The following CDH12 variants were observed in gnomAD, a reference collection of about 807,000 sequenced individuals.
The protein encoded by CDH12 is cadherin 12.
In CDH12, 41 loss-of-function variants were observed where a neutral mutation model predicts 74.1. The ratio of observed to expected loss-of-function variants is 0.55; its 90% CI spans 0.43 to 0.72. The LOEUF (loss-of-function observed/expected upper bound fraction) is 0.72. Ranked by LOEUF, CDH12 falls within the 30% of genes least tolerant of loss-of-function variation. CDH12 has a pLI of 0.00. For synonymous variants in CDH12, 399 were observed against 355.0 expected, an observed-to-expected ratio of 1.12 and a Z score of -1.39; for missense variants, 945 against 977.2, an observed-to-expected ratio of 0.97 and a Z score of 0.44.
chr5:22,120,592 A>G (rs1745452328), intron 4 of CDH12, among the ~76,000 whole-genome samples: 1 of 152,166 alleles, frequency 6.6e-6, no homozygotes, highest in Non-Finnish European at 1.5e-5. Flanking sequence ...TCTTTAATAT[A>G]TGGAAATGTG....
chr5:22,112,340 T>C (rs188849925), intron 4 of CDH12, among the ~76,000 whole-genome samples: 3 of 152,278 alleles, frequency 2.0e-5, no homozygotes, highest in South Asian at 2.1e-4. Context: ...TCTTGTTTTT[T>C]CTTTTTGATG....
At chr5:22,356,619 GTC>G (rs1395938480) in intron 3 of CDH12, among the ~76,000 whole-genome samples, 4 of 152,042 alleles carry the variant, frequency 2.6e-5, no homozygotes, top group Non-Finnish European at 5.9e-5. Context: ...GGAAGACTGA[GTC>G]TTAAATAATT....
At chr5:22,321,436 T>C (rs956915062) in intron 3 of CDH12, among the ~76,000 whole-genome samples, 3 of 137,510 alleles carry the variant, frequency 2.2e-5, no homozygotes, top group Non-Finnish European at 3.1e-5. Flanking sequence ...TAGGTGGGAA[T>C]TGAACAATGA....
chr5:22,157,004 G>A (rs1056938318), intron 4 of CDH12, among the ~76,000 whole-genome samples: 4 of 152,086 alleles, frequency 2.6e-5, no homozygotes, highest in Non-Finnish European at 5.9e-5. Context: ...CTGAACTCTA[G>A]TATTAACAGG....
intron 1 of CDH12, among the ~76,000 whole-genome samples, chr5:22,597,752 G>A (rs1403254466): frequency 6.6e-6 from 1 of 152,126 alleles, no homozygotes; most frequent in Non-Finnish European, 1.5e-5. Flanking sequence ...GTAAAAAAAT[G>A]TATGAATGCT....
At chr5:22,137,108 C>G (rs995282556) in intron 4 of CDH12, among the ~76,000 whole-genome samples, 1 of 151,732 alleles carries the variant, frequency 6.6e-6, no homozygotes, top group Admixed American at 6.6e-5. Flanking sequence ...ATTTACAAAG[C>G]ACAGTTTCTA....
At chr5:22,199,809 C>A (rs2150353542) in intron 4 of CDH12, among the ~76,000 whole-genome samples, 2 of 152,332 alleles carry the variant, frequency 1.3e-5, no homozygotes, top group South Asian at 4.1e-4. Context: ...TTCTCTCTGC[C>A]TTTCAGATGT....
intron 1 of CDH12, among the ~76,000 whole-genome samples, chr5:22,644,526 T>G (rs1260837516): frequency 6.6e-6 from 1 of 151,892 alleles, no homozygotes; most frequent in Non-Finnish European, 1.5e-5. Context: ...TAAATAAAAA[T>G]TTTTAAAAAA....
At chr5:22,447,595 G>C (rs960643880) in intron 2 of CDH12, among the ~76,000 whole-genome samples, 62 of 152,128 alleles carry the variant, frequency 4.1e-4, no homozygotes, top group African/African-American at 1.4e-3. Flanking sequence ...AAAATTATGA[G>C]CTAGTAACTA....
At chr5:22,058,770 G>A (rs1202074424) in intron 5 of CDH12, among the ~76,000 whole-genome samples, 11 of 149,228 alleles carry the variant, frequency 7.4e-5, no homozygotes, top group Admixed American at 6.7e-5. Flanking sequence ...AAGGAAGGAA[G>A]GGAGGGAGGG....
intron 4 of CDH12, among the ~76,000 whole-genome samples, chr5:22,207,694 T>G (rs1207832018): frequency 6.6e-6 from 1 of 152,194 alleles, no homozygotes; most frequent in Admixed American, 6.5e-5. Context: ...CTAAGTTACA[T>G]TCTTTTAAGA....
At chr5:22,536,271 T>C (rs912303591) in intron 1 of CDH12, among the ~76,000 whole-genome samples, 7 of 152,202 alleles carry the variant, frequency 4.6e-5, no homozygotes, top group African/African-American at 1.4e-4. Flanking sequence ...TTAGTTTCTT[T>C]GCCATCAACA....
In CDH12 at chr5:22,248,574, A is replaced by G. The variant is rs920912411; in HGVS notation, c.-332-35931T>C. Among the ~76,000 whole-genome samples the G allele has an allele frequency of 7.2e-5, 11 of 152,276 alleles. No homozygotes were observed. The East Asian group carries it at 2.1e-3, about 29-fold the overall frequency. On this transcript the variant is annotated intron_variant, in intron 3 of 14. Coordinates refer to ENST00000382254, the MANE Select transcript of CDH12 (RefSeq NM_004061.5). ...TTGAGTGGACATGATCACTCTGGAT[A>G]CCACACTTTGGACTAATCCAATGAA... is the stretch of plus-strand genomic sequence containing the variant.
chr5:22,779,199 G>A (rs1466014671), intron 1 of CDH12, among the ~76,000 whole-genome samples: 2 of 152,130 alleles, frequency 1.3e-5, no homozygotes, highest in African/African-American at 2.4e-5. Context: ...GCACTTTGAT[G>A]TTTATCAAAG....
chr5:22,218,524 T>C (rs912889690), intron 3 of CDH12, among the ~76,000 whole-genome samples: 8 of 151,700 alleles, frequency 5.3e-5, no homozygotes, highest in Admixed American at 1.3e-4. Flanking sequence ...TTAAAAAATA[T>C]GGAAATTTAT....
intron 1 of CDH12, among the ~76,000 whole-genome samples, chr5:22,574,004 A>G (rs1739660495): frequency 1.3e-5 from 2 of 151,032 alleles, no homozygotes; most frequent in South Asian, 4.2e-4. Context: ...CTCCTGTGCA[A>G]TATTTGGCAC....
At chr5:22,677,164 G>T (rs1269104211) in intron 1 of CDH12, among the ~76,000 whole-genome samples, 1 of 152,054 alleles carries the variant, frequency 6.6e-6, no homozygotes, top group African/African-American at 2.4e-5. Flanking sequence ...TTTTATTGAT[G>T]CCACTGACCC....
intron 8 of CDH12, among the ~76,000 whole-genome samples, chr5:21,830,403 A>C (rs1377595532): frequency 6.6e-6 from 1 of 152,012 alleles, no homozygotes; most frequent in Non-Finnish European, 1.5e-5. Context: ...CAGATATTTT[A>C]GTTGTATTGA....
At chr5:21,921,253 C>T (rs947786837) in intron 6 of CDH12, among the ~76,000 whole-genome samples, 29 of 152,024 alleles carry the variant, frequency 1.9e-4, no homozygotes, top group Non-Finnish European at 5.9e-5. Context: ...TTTTTTTAAG[C>T]CTTAAAATCA....
Sources: allele counts gnomAD v4.1 joint callset (sites outside exome capture counted in the v4.1 genomes callset), GRCh38; gene constraint gnomAD v4.1.1; transcripts MANE v1.5; gene names NCBI Gene and HGNC (gene_info 2026-07-23, HGNC 2026-07-21).